AK9: variants seen among roughly 807,000 people sequenced by gnomAD.
AK9 encodes the protein adenylate kinase domain containing 1.
AK9 carries 191 observed loss-of-function variants against 239.6 expected under a neutral mutation model. The ratio of observed to expected loss-of-function variants is 0.80; its 90% confidence interval spans 0.71 to 0.90. The LOEUF (loss-of-function observed/expected upper bound fraction) is 0.90, where lower values mean the gene tolerates loss of function less well. Among genes scored for constraint, AK9 ranks in the 40% least tolerant of loss-of-function variants. AK9 has a pLI of 0.00. For missense variants in AK9, 1,995 were observed against 2,214.7 expected (o/e 0.90, Z 1.99); for synonymous variants, 689 against 721.0 (o/e 0.96, Z 0.71).
rs142316147 is a variant in AK9, at chr6:109,561,100, C to T, written c.2751+2497G>A. Among the ~76,000 whole-genome samples the T allele has an allele frequency of 6.0e-3, 919 of 151,976 alleles. 7 individuals carry two copies. The highest frequency in any genetic ancestry group is 0.021 in the African/African-American group (882 of 41,424). On this transcript the variant is annotated intron_variant, in intron 24 of 40. Transcript: ENST00000424296. ...TCCTGAGTAGCTGGGATTACAGGTG[C>T]GCATGACCACACCTGGCTAATTTTT...
chr6:109,643,458 G>A (rs1225775773), intron 9 of AK9, among the ~76,000 whole-genome samples: 1 of 152,162 alleles, frequency 6.6e-6, no homozygotes, highest in Non-Finnish European at 1.5e-5. Context: ...CCATTCCTGT[G>A]TTCACTACCC....
In AK9 at chr6:109,596,791, C is replaced by G. The variant is rs1326146751; in HGVS notation, c.1843-10719G>C. 2.6e-5 allele frequency among the ~76,000 whole-genome samples: 4 copies of G among 152,142 alleles called. No individual in the cohort carries two copies. In the East Asian group the frequency reaches 7.7e-4, roughly 29 times the overall value. ...TTCCATATCATTGCTATTAATAGAG[C>G]TGCGATAAATATATGAGTGCAGGTA... is the stretch of plus-strand genomic sequence containing the variant. On this transcript the variant is annotated intron_variant, in intron 17 of 40. Coordinates refer to ENST00000424296, the MANE Select transcript of AK9 (RefSeq NM_001145128.3).
chr6:109,561,648 T>C (rs1201423339), intron 24 of AK9, among the ~76,000 whole-genome samples: 1 of 152,200 alleles, frequency 6.6e-6, no homozygotes, highest in South Asian at 2.1e-4. Context: ...ATTAAAGATG[T>C]TGCTCCACTC....
Position 109,610,352 on chromosome 6 carries a change from C to A in AK9, c.1842+13G>T, listed in dbSNP as rs1178212386. ...TAAGTCACTGATAAGAATTGCCCAG[C>A]TAGATTTTTTACCTCTCCAAGGACT... On this transcript the variant is annotated intron_variant, in intron 17 of 40. Transcript: ENST00000424296. The A allele has an allele frequency of 6.4e-7, 1 of 1,550,746 alleles. No individual in the cohort carries two copies. Among genetic ancestry groups the A allele is most frequent in the African/African-American group, 1.4e-5 (1 of 73,082 alleles).
intron 10 of AK9, among the ~76,000 whole-genome samples, chr6:109,638,850 G>A (rs897298971): frequency 6.6e-6 from 1 of 152,022 alleles, no homozygotes; most frequent in Non-Finnish European, 1.5e-5. Context: ...CCCGCCCTGT[G>A]TCCAAATGTT....
At chr6:109,590,646 T>C (rs1017378193) in intron 17 of AK9, among the ~76,000 whole-genome samples, 1 of 152,200 alleles carries the variant, frequency 6.6e-6, no homozygotes, top group African/African-American at 2.4e-5. Context: ...ATCTTTTTTA[T>C]GTAGGCTGTT....
intron 29 of AK9, among the ~76,000 whole-genome samples, chr6:109,526,735 G>C (rs1165608174): frequency 6.6e-6 from 1 of 152,166 alleles, no homozygotes; most frequent in African/African-American, 2.4e-5. Context: ...ACTGCCTGTG[G>C]AGCAGCTATT....
At chr6:109,592,712 C>G (rs895761851) in intron 17 of AK9, among the ~76,000 whole-genome samples, 32 of 152,040 alleles carry the variant, frequency 2.1e-4, no homozygotes, top group South Asian at 6.2e-4. Context: ...TTCAAAAGTG[C>G]TGGTTTTACA....
intron 40 of AK9, 96 bp downstream of exon 40, chr6:109,493,885 C>A: frequency 1.1e-6 from 1 of 908,256 alleles, no homozygotes; most frequent in African/African-American, 1.7e-5. Flanking sequence ...TTCTCTCTCA[C>A]CAAGCAGGCA....
At position 109,671,937 on chromosome 6, in the gene AK9, G is replaced by A; in HGVS notation, c.313C>T (p.Pro105Ser). ...AACATACCAAAGTGACAGACTTCTGGGGAGTTGAGCTTCTCCAACATTAGC... is the reference window on the plus strand; with the variant it reads ...AACATACCAAAGTGACAGACTTCTGAGGAGTTGAGCTTCTCCAACATTAGC... ...IKLMLEKLNS[P>S]EVCHFGYIIT... The change falls in exon 5 of 41, where the codon CCA becomes TCA. Residue 105 changes from proline (P) to serine (S), a missense_variant. This residue lies in a region of AK9 where 252 missense variants were observed against 246.4 expected (regional missense o/e 1.02). Coordinates refer to ENST00000424296, the MANE Select transcript of AK9 (RefSeq NM_001145128.3). The A allele has an allele frequency of 6.2e-7, 1 of 1,613,820 alleles. No individual in the cohort carries two copies. Among genetic ancestry groups the A allele is most frequent in the South Asian group, 1.1e-5 (1 of 91,062 alleles).
At chr6:109,575,485 G>T (rs1383944763) in intron 20 of AK9, among the ~76,000 whole-genome samples, 1 of 151,988 alleles carries the variant, frequency 6.6e-6, no homozygotes, top group Non-Finnish European at 1.5e-5. Flanking sequence ...CTTCTTTTGA[G>T]AACTGTCTAT....
intron 35 of AK9, among the ~76,000 whole-genome samples, chr6:109,505,519 T>C (rs1050235699): frequency 8.5e-5 from 13 of 152,224 alleles, no homozygotes; most frequent in Non-Finnish European, 1.3e-4. Flanking sequence ...CAAGCTTAGT[T>C]TTTTTATGGA....
intron 12 of AK9, among the ~76,000 whole-genome samples, chr6:109,620,572 G>A (rs570169590): frequency 1.3e-5 from 2 of 151,920 alleles, no homozygotes; most frequent in African/African-American, 4.8e-5. Flanking sequence ...GATTCTATGT[G>A]TCTTTAATTA....
chr6:109,669,106 C>G (rs1801692137), intron 5 of AK9, among the ~76,000 whole-genome samples: 1 of 150,822 alleles, frequency 6.6e-6, no homozygotes, highest in Non-Finnish European at 1.5e-5. Flanking sequence ...TGAAGAGGTC[C>G]TTCACATCCC....
At chr6:109,558,680 T>G (rs1785318572) in intron 24 of AK9, among the ~76,000 whole-genome samples, 1 of 152,200 alleles carries the variant, frequency 6.6e-6, no homozygotes, top group Non-Finnish European at 1.5e-5. Flanking sequence ...TTGGTTATTC[T>G]TTCTAAAATT....
At chr6:109,563,991 T>A in intron 23 of AK9, 89 bp downstream of exon 23, 1 of 1,292,568 alleles carries the variant, frequency 7.7e-7, no homozygotes, top group South Asian at 1.5e-5. Context: ...ATTTACTTCA[T>A]AAACCATCAA....
rs558944183 is a variant in AK9 at position 109,538,564 on chromosome 6, G to T, written c.3350+3483C>A. ...TGGGTCTTGACTCTTTATCCAATTT[G>T]CCAGTCTGTGTCTTTTAATTGGAGC... On this transcript the variant is annotated intron_variant, in intron 27 of 40. Coordinates refer to ENST00000424296, the MANE Select transcript of AK9 (RefSeq NM_001145128.3). Among the ~76,000 whole-genome samples the T allele has an allele frequency of 4.6e-5, 7 of 151,946 alleles. No homozygotes were observed. The South Asian group carries it at 6.2e-4, about 14-fold the overall frequency.
At chr6:109,650,180 G>A (rs1454874887) in intron 8 of AK9, among the ~76,000 whole-genome samples, 1 of 152,006 alleles carries the variant, frequency 6.6e-6, no homozygotes, top group Non-Finnish European at 1.5e-5. Context: ...CATGGGCAAG[G>A]ACTTCATGTC....
At chr6:109,675,948 C>T in intron 1 of AK9, among the ~76,000 whole-genome samples, 192 bp from the exon 2 acceptor site, 1 of 151,988 alleles carries the variant, frequency 6.6e-6, no homozygotes, top group South Asian at 2.1e-4. Flanking sequence ...TAGTTTGAGA[C>T]AAAAACAAAA....
Sources: allele counts gnomAD v4.1 joint callset (sites outside exome capture counted in the v4.1 genomes callset), GRCh38; gene constraint gnomAD v4.1.1; regional missense constraint gnomAD v4.1.1; transcripts MANE v1.5; gene names NCBI Gene and HGNC (gene_info 2026-07-23, HGNC 2026-07-21).